The following CFDP1 variants were observed in gnomAD, a reference collection of about 807,000 sequenced individuals.
The protein encoded by CFDP1 is chromatin remodeling protein CFDP1, also known as heterochromatin-stabilizing protein CFDP1.
In CFDP1, 31 loss-of-function variants were observed where a neutral mutation model predicts 40.1. That is an observed-to-expected ratio of 0.77 (90% CI 0.58 to 1.04). CFDP1 has a LOEUF of 1.04. Ranked by LOEUF, CFDP1 falls within the 50% of genes least tolerant of loss-of-function variation. CFDP1 has a pLI of 0.00. For missense variants in CFDP1, 423 were observed against 343.4 expected, an observed-to-expected ratio of 1.23 and a Z score of -1.83; for synonymous variants, 167 against 120.0, an observed-to-expected ratio of 1.39 and a Z score of -2.56.
At chr16:75,425,625 C>T (rs921132891) in intron 1 of CFDP1, among the ~76,000 whole-genome samples, 2 of 131,316 alleles carry the variant, frequency 1.5e-5, no homozygotes, top group African/African-American at 5.7e-5. Context: ...ATCTTTTCAA[C>T]AAATAATGAA....
chr16:75,431,524 C>A (rs994816724), intron 1 of CFDP1, among the ~76,000 whole-genome samples: 3 of 150,228 alleles, frequency 2.0e-5, no homozygotes, highest in Non-Finnish European at 3.0e-5. Flanking sequence ...CGCCTGTAAT[C>A]CCACCTACTT....
chr16:75,385,135 T>C (rs1323084469), intron 5 of CFDP1, among the ~76,000 whole-genome samples: 1 of 151,942 alleles, frequency 6.6e-6, no homozygotes, highest in African/African-American at 2.4e-5. Context: ...ACTTGGAATA[T>C]TTTGAATCTA....
At chr16:75,298,639 G>T (rs1463300937) in intron 6 of CFDP1, among the ~76,000 whole-genome samples, 3 of 152,200 alleles carry the variant, frequency 2.0e-5, no homozygotes, top group African/African-American at 7.2e-5. Flanking sequence ...GATGTACAGA[G>T]ATACAGACTT....
intron 4 of CFDP1, among the ~76,000 whole-genome samples, chr16:75,404,730 C>T (rs939969687): frequency 4.6e-5 from 7 of 151,416 alleles, no homozygotes; most frequent in Non-Finnish European, 1.0e-4. Flanking sequence ...AAAACCAATG[C>T]TGTGAAATAC....
At chr16:75,372,806 C>T (rs551178310) in intron 5 of CFDP1, among the ~76,000 whole-genome samples, 8 of 152,188 alleles carry the variant, frequency 5.3e-5, no homozygotes, top group Non-Finnish European at 1.2e-4. Context: ...CACACAAATA[C>T]ATACCCTTTA....
At chr16:75,341,924 C>T (rs554311516) in intron 5 of CFDP1, among the ~76,000 whole-genome samples, 1 of 152,300 alleles carries the variant, frequency 6.6e-6, no homozygotes, top group East Asian at 1.9e-4. Flanking sequence ...TGGTCCTTTG[C>T]CTCTCTTAAC....
intron 5 of CFDP1, among the ~76,000 whole-genome samples, chr16:75,306,849 A>G (rs2078260443): frequency 6.6e-6 from 1 of 151,116 alleles, no homozygotes; most frequent in Admixed American, 6.6e-5. Context: ...AGACAACTCA[A>G]CCCCTACAAT....
chr16:75,417,486 A>T (rs558368027), intron 1 of CFDP1, among the ~76,000 whole-genome samples: 1 of 152,332 alleles, frequency 6.6e-6, no homozygotes, highest in African/African-American at 2.4e-5. Flanking sequence ...AGAACAGTGT[A>T]TGAAATATGC....
chr16:75,323,945 C>T (rs1461406578), intron 5 of CFDP1, among the ~76,000 whole-genome samples: 1 of 152,166 alleles, frequency 6.6e-6, no homozygotes, highest in Non-Finnish European at 1.5e-5. Flanking sequence ...GTTAATTTCT[C>T]TGAGTCTCAA....
At chr16:75,398,389 A>AC (rs1472929961) in intron 4 of CFDP1, among the ~76,000 whole-genome samples, 1 of 152,040 alleles carries the variant, frequency 6.6e-6, no homozygotes, top group Admixed American at 6.5e-5. Context: ...CCCTGATACT[A>AC]CCCCAGTTAG....
At chr16:75,297,953 G>A (rs546481799) in intron 6 of CFDP1, among the ~76,000 whole-genome samples, 33 of 152,266 alleles carry the variant, frequency 2.2e-4, no homozygotes, top group Admixed American at 3.9e-4. Flanking sequence ...CCAAAAATCC[G>A]AAATCTGAAG....
chr16:75,348,059 T>C (rs2078582391), intron 5 of CFDP1, among the ~76,000 whole-genome samples: 1 of 152,178 alleles, frequency 6.6e-6, no homozygotes, highest in Admixed American at 6.5e-5. Context: ...CGGTTATTAG[T>C]GGGAAAACTG....
rs1323394427 is a variant in CFDP1, at chr16:75,412,583, G to A, written c.354C>T (p.Leu118=). The change falls in exon 3 of 7, where the codon CTC becomes CTT. Residue 118 remains leucine, a synonymous_variant. Transcript: ENST00000283882. ...CTTTTGATTTTGGTCCCACATCATT[G>A]AGGAAGCTGGCCCAGAGTTCGTCCT... ...KKEDELWASF[L]NDVGPKSKVP... 1 of 1,614,084 alleles carries A rather than the reference G, an allele frequency of 6.2e-7. No individual in the cohort carries two copies. Among genetic ancestry groups the A allele is most frequent in the Admixed American group, 1.7e-5 (1 of 60,002 alleles).
intron 5 of CFDP1, among the ~76,000 whole-genome samples, chr16:75,390,529 T>G (rs995780598): frequency 1.3e-5 from 2 of 152,236 alleles, no homozygotes; most frequent in Non-Finnish European, 2.9e-5. Context: ...AATCCCCAGC[T>G]GTCTTTGCTG....
intron 5 of CFDP1, among the ~76,000 whole-genome samples, chr16:75,322,907 T>C (rs779767742): frequency 6.6e-6 from 1 of 152,182 alleles, no homozygotes; most frequent in East Asian, 1.9e-4. Flanking sequence ...GGACTGGAAG[T>C]TGCTCTGGGT....
chr16:75,421,008 T>C (rs2079272901), intron 1 of CFDP1, among the ~76,000 whole-genome samples: 1 of 152,164 alleles, frequency 6.6e-6, no homozygotes, highest in South Asian at 2.1e-4. Context: ...ATCTTAAACA[T>C]GTAAAAAGAT....
intron 4 of CFDP1, among the ~76,000 whole-genome samples, chr16:75,407,029 A>C (rs1011534586): frequency 1.3e-5 from 2 of 152,272 alleles, no homozygotes; most frequent in African/African-American, 4.8e-5. Flanking sequence ...ATAAACAAAT[A>C]AACAAGCAAA....
intron 5 of CFDP1, chr16:75,321,877 GCAGTCGTGCGAT>G (rs2078366173): frequency 6.6e-6 from 1 of 152,220 alleles, no homozygotes; most frequent in Admixed American, 6.5e-5. Context: ...AGGCTGGAGT[GCAGTCGTGCGAT>G]CTTGGCTCAC....
At chr16:75,418,135 A>G (rs2079229367) in intron 1 of CFDP1, among the ~76,000 whole-genome samples, 1 of 151,262 alleles carries the variant, frequency 6.6e-6, no homozygotes, top group African/African-American at 2.4e-5. Flanking sequence ...TGCCTGTAAT[A>G]CCAGCTACTC....
Sources: allele counts gnomAD v4.1 joint callset (sites outside exome capture counted in the v4.1 genomes callset), GRCh38; gene constraint gnomAD v4.1.1; transcripts MANE v1.5; gene names NCBI Gene and HGNC (gene_info 2026-07-23, HGNC 2026-07-21).